Variants in GABRA5 observed in about 807,000 individuals in gnomAD.
GABRA5 encodes gamma-aminobutyric acid receptor subunit alpha-5.
A neutral mutation model predicts 47.3 loss-of-function variants in GABRA5; 18 were observed. The observed-to-expected ratio is 0.38, with a 90% CI of 0.26 to 0.56. GABRA5 has a LOEUF of 0.56. Ranked by LOEUF, GABRA5 falls within the 20% of genes least tolerant of loss-of-function variation. GABRA5 has a pLI of 0.71. For missense variants in GABRA5, 365 were observed against 599.3 expected (o/e 0.61, Z 4.08); for synonymous variants, 237 against 229.3 (o/e 1.03, Z -0.30).
At chr15:26,898,009 C>T (rs1422213997) in intron 6 of GABRA5, among the ~76,000 whole-genome samples, 3 of 152,164 alleles carry the variant, frequency 2.0e-5, no homozygotes, top group Non-Finnish European at 4.4e-5. Context: ...TTCACAGAAA[C>T]TCCAGATATT....
chr15:26,931,856 G>C (rs1894116000), intron 7 of GABRA5, among the ~76,000 whole-genome samples: 3 of 152,166 alleles, frequency 2.0e-5, no homozygotes. Context: ...TGACAGGATA[G>C]CATCACCACT....
rs936634230 is a variant in GABRA5 at position 26,880,860 on chromosome 15, C to T, written c.101C>T (p.Pro34Leu). The change falls in exon 4 of 11, where the codon CCA becomes CTA. Residue 34 changes from proline (P) to leucine (L), a missense_variant. Physicochemically the swap from Pro to Leu is moderately conservative, Grantham distance 98. Coordinates refer to ENST00000335625, the MANE Select transcript of GABRA5 (RefSeq NM_000810.4). ...CTTTTTAAAAGCTTTTCACAGATGC[C>T]AACCAGTTCAGTGAAAGATGAGACC... ...LSSHFGFSQM[P>L]TSSVKDETND... is the part of the protein sequence containing the mutation. The T allele has an allele frequency of 6.2e-7, 1 of 1,613,672 alleles. No homozygotes were observed. The highest frequency in any genetic ancestry group is 1.3e-5 in the African/African-American group (1 of 75,006).
intron 6 of GABRA5, among the ~76,000 whole-genome samples, chr15:26,886,300 G>A (rs775287021): frequency 3.9e-5 from 6 of 152,332 alleles, no homozygotes; most frequent in East Asian, 3.9e-4. Flanking sequence ...GATTACAGGC[G>A]TGAGCCACTG....
At chr15:26,924,709 G>A (rs1452393070) in intron 7 of GABRA5, among the ~76,000 whole-genome samples, 7 of 152,144 alleles carry the variant, frequency 4.6e-5, no homozygotes, top group African/African-American at 9.7e-5. Context: ...GCAGGGCCAC[G>A]TTTTTTGGGG....
chr15:26,945,067 A>G (rs558855262), intron 10 of GABRA5, among the ~76,000 whole-genome samples: 6 of 152,188 alleles, frequency 3.9e-5, no homozygotes, highest in Non-Finnish European at 7.4e-5. Flanking sequence ...GATGAAAGTG[A>G]CCTGCACTGT....
intron 6 of GABRA5, among the ~76,000 whole-genome samples, chr15:26,910,861 T>C (rs1190677665): frequency 6.6e-6 from 1 of 152,124 alleles, no homozygotes; most frequent in Non-Finnish European, 1.5e-5. Context: ...TAGCTGTCTC[T>C]CTTGCGCTAT....
chr15:26,897,533 A>G lies in GABRA5; in HGVS notation c.497+13976A>G, dbSNP rs971622350. Among the ~76,000 whole-genome samples, 6 of 152,316 alleles carry G rather than the reference A, an allele frequency of 3.9e-5. No individual in the cohort carries two copies. In the South Asian group the frequency reaches 1.2e-3, roughly 32 times the overall value. On this transcript the variant is annotated intron_variant, in intron 6 of 10. Coordinates refer to ENST00000335625, the MANE Select transcript of GABRA5 (RefSeq NM_000810.4). ...TTTGTAATGGCAGCCCCAGCAGACT[A>G]CTACAGAAGCTCCAGTGCTGTGCAA...
rs144978869 is a variant in GABRA5, at chr15:26,910,293, C to T, written c.498-4510C>T. 2.7e-3 allele frequency among the ~76,000 whole-genome samples: 409 copies of T among 152,150 alleles called. 4 individuals are homozygous for T. The highest frequency in any genetic ancestry group is 9.5e-3 in the African/African-American group (394 of 41,514). ...ACGATGACATAAATCCAAATTGAAG[C>T]AATTATCTTAAATTATAAAAATGCC... On this transcript the variant is annotated intron_variant, in intron 6 of 10. Transcript: ENST00000335625.
rs1475134076 is a variant in GABRA5 at position 26,948,020 on chromosome 15, G to C, written c.1176G>C (p.Gln392His). The change falls in exon 11 of 11, where the codon CAG (glutamine) becomes CAC (histidine). Residue 392 changes from glutamine (Q) to histidine (H), a missense_variant. Gln to His is a conservative substitution (Grantham distance 24, BLOSUM62 0). Transcript: ENST00000335625. ...MSHPPNIPKEQTPAGTSNTTS... is the reference protein window; with the variant it reads ...MSHPPNIPKEHTPAGTSNTTS... The stretch of plus-strand genomic sequence containing the variant: ...ACCCCCCAAACATTCCGAAGGAACA[G>C]ACCCCAGCAGGGACGTCGAATACAA... 1 of 1,604,094 alleles carries C rather than the reference G, an allele frequency of 6.2e-7. No homozygotes were observed. Among genetic ancestry groups the C allele is most frequent in the Admixed American group, 1.7e-5 (1 of 58,410 alleles).
chr15:26,943,007 C>T lies in GABRA5; in HGVS notation c.878-208C>T, dbSNP rs41302743. Among the ~76,000 whole-genome samples, 203 of 152,156 alleles carry T rather than the reference C, an allele frequency of 1.3e-3. 1 individual carries two copies. Among genetic ancestry groups the T allele is most frequent in the Non-Finnish European group, 2.6e-3 (176 of 68,014 alleles). On this transcript the variant is annotated intron_variant, in intron 9 of 10. Coordinates refer to ENST00000335625, the MANE Select transcript of GABRA5 (RefSeq NM_000810.4). The stretch of plus-strand genomic sequence containing the variant: ...GCTGAGGCACAAGAATCGCTTGAAC[C>T]AGGGAGGCAGAGCTTGCAGTGAGCC...
At chr15:26,944,346 T>C (rs1281448446) in intron 10 of GABRA5, among the ~76,000 whole-genome samples, 1 of 152,236 alleles carries the variant, frequency 6.6e-6, no homozygotes, top group African/African-American at 2.4e-5. Flanking sequence ...AGTTCTGGCC[T>C]GACCTCGCCT....
intron 6 of GABRA5, among the ~76,000 whole-genome samples, chr15:26,902,461 G>A (rs955492321): frequency 2.0e-5 from 3 of 151,888 alleles, no homozygotes; most frequent in African/African-American, 7.3e-5. Flanking sequence ...TAAAATAATT[G>A]ACTTACATAC....
intron 6 of GABRA5, among the ~76,000 whole-genome samples, chr15:26,904,392 A>G (rs1595412968): frequency 6.6e-6 from 1 of 152,172 alleles, no homozygotes; most frequent in African/African-American, 2.4e-5. Flanking sequence ...GAAGTTGGGT[A>G]GAATGATGTC....
intron 3 of GABRA5, among the ~76,000 whole-genome samples, chr15:26,877,219 C>T (rs746480340): frequency 6.6e-5 from 10 of 152,184 alleles, no homozygotes; most frequent in Non-Finnish European, 1.2e-4. Flanking sequence ...GAGGGGAAAG[C>T]TGTTATTTGG....
Position 26,943,520 on chromosome 15 carries a change from C to CGGA in GABRA5, c.1089+94_1089+95insGGA, listed in dbSNP as rs1438342047. 13 of 1,147,248 alleles carry CGGA rather than the reference C, an allele frequency of 1.1e-5. No individual in the cohort carries two copies. The South Asian group carries it at 1.8e-4, about 16-fold the overall frequency. The allele number at this position is 1,147,248 out of a possible 1,614,324, so 71.1% of individuals were successfully genotyped here. On this transcript the variant is annotated intron_variant, in intron 10 of 10. Transcript: ENST00000335625. ...ACATGAGACAAGGTGCTGCTCCTTCCTACCCGCCAGCCCCCGAATGCTCCT... is the reference window on the plus strand; with the variant it reads ...ACATGAGACAAGGTGCTGCTCCTTCCGGATACCCGCCAGCCCCCGAATGCTCCT...
At chr15:26,900,331 A>T (rs1479684343) in intron 6 of GABRA5, among the ~76,000 whole-genome samples, 2 of 152,126 alleles carry the variant, frequency 1.3e-5, no homozygotes, top group Admixed American at 6.5e-5. Flanking sequence ...TTAAAGTCAT[A>T]TGGGATAAAA....
intron 3 of GABRA5, chr15:26,877,754 G>A (rs932043914): frequency 3.4e-5 from 15 of 447,466 alleles, no homozygotes; most frequent in African/African-American, 3.0e-4. Context: ...GACATGTTTT[G>A]TAGAGAATAT....
chr15:26,882,297 G>A (rs1261769217), intron 4 of GABRA5, among the ~76,000 whole-genome samples: 6 of 152,150 alleles, frequency 3.9e-5, no homozygotes, highest in Admixed American at 3.9e-4. Context: ...GCATCTCAGT[G>A]AGGAGACAGG....
At chr15:26,943,858 A>T (rs1874317311) in intron 10 of GABRA5, among the ~76,000 whole-genome samples, 2 of 151,832 alleles carry the variant, frequency 1.3e-5, no homozygotes. Flanking sequence ...GCATGATTGA[A>T]CCCCCTTACA....
Sources: allele counts gnomAD v4.1 joint callset (sites outside exome capture counted in the v4.1 genomes callset), GRCh38; gene constraint gnomAD v4.1.1; transcripts MANE v1.5; gene names NCBI Gene and HGNC (gene_info 2026-07-23, HGNC 2026-07-21).